Variants in DAB1 observed in about 807,000 individuals in gnomAD.
DAB1 encodes the protein disabled homolog 1.
A neutral mutation model predicts 64.6 loss-of-function variants in DAB1; 15 were observed. The ratio of observed to expected loss-of-function variants is 0.23; its 90% CI spans 0.16 to 0.36. The LOEUF (loss-of-function observed/expected upper bound fraction) is 0.36. Among genes scored for constraint, DAB1 ranks in the 10% least tolerant of loss-of-function variants. The pLI, the probability that DAB1 is intolerant of heterozygous loss-of-function variation, is 1.00. For synonymous variants in DAB1, 235 were observed against 251.9 expected, an observed-to-expected ratio of 0.93 and a Z score of 0.64; for missense variants, 596 against 706.7, an observed-to-expected ratio of 0.84 and a Z score of 1.78.
At chr1:57,211,400 G>T (rs1291329494) in intron 2 of DAB1, among the ~76,000 whole-genome samples, 1 of 152,132 alleles carries the variant, frequency 6.6e-6, no homozygotes, top group Non-Finnish European at 1.5e-5. Flanking sequence ...ACTTAACAAA[G>T]AAAGTCTGTT....
chr1:57,635,900 C>T (rs969289487), intron 7 of DAB1, among the ~76,000 whole-genome samples: 2 of 151,726 alleles, frequency 1.3e-5, no homozygotes, highest in African/African-American at 4.8e-5. Context: ...TCGAGACCAT[C>T]CTGGCTAATA....
At chr1:57,657,160 G>A (rs1646328799) in intron 6 of DAB1, among the ~76,000 whole-genome samples, 1 of 152,032 alleles carries the variant, frequency 6.6e-6, no homozygotes, top group Admixed American at 6.5e-5. Context: ...TCTCAATTCT[G>A]GCCCTACCAC....
At chr1:57,290,856 A>G in intron 2 of DAB1, 108 bp downstream of exon 2, 1 of 612,966 alleles carries the variant, frequency 1.6e-6, no homozygotes, top group Non-Finnish European at 2.8e-6. Flanking sequence ...ATAACTATTT[A>G]AAAATATATG....
intron 4 of DAB1, among the ~76,000 whole-genome samples, chr1:58,208,465 C>T (rs1658392123): frequency 6.6e-6 from 1 of 152,082 alleles, no homozygotes; most frequent in African/African-American, 2.4e-5. Flanking sequence ...CTCTCCAAGT[C>T]TCCAAAGTCC....
chr1:57,136,106 A>G (rs1557784439), intron 4 of DAB1, among the ~76,000 whole-genome samples: 1 of 152,138 alleles, frequency 6.6e-6, no homozygotes, highest in Admixed American at 6.6e-5. Context: ...TGAGAACTCC[A>G]TTTATTCTTT....
intron 3 of DAB1, among the ~76,000 whole-genome samples, chr1:58,373,574 G>T (rs569892354): frequency 4.0e-5 from 6 of 151,742 alleles, no homozygotes; most frequent in South Asian, 2.1e-4. Flanking sequence ...GTCTATCATT[G>T]TTGGACATTT....
intron 5 of DAB1, among the ~76,000 whole-genome samples, chr1:57,941,621 G>A (rs1437605722): frequency 6.6e-6 from 1 of 152,218 alleles, no homozygotes; most frequent in African/African-American, 2.4e-5. Flanking sequence ...CGGATCACGA[G>A]GTCAGGAGAT....
At chr1:57,431,143 C>CACAAAAAAAAAAA (rs749097562) in intron 7 of DAB1, among the ~76,000 whole-genome samples, 2 of 96,408 alleles carry the variant, frequency 2.1e-5, no homozygotes, top group Non-Finnish European at 4.4e-5. Context: ...AGGCCAAAAA[C>CACAAAAAAAAAAA]AAAAAAAAAA....
intron 9 of DAB1, among the ~76,000 whole-genome samples, chr1:57,051,992 C>A (rs1188634746): frequency 6.6e-6 from 1 of 152,056 alleles, no homozygotes; most frequent in African/African-American, 2.4e-5. Flanking sequence ...ATTGTTTGGG[C>A]CCCTGACTCA....
intron 4 of DAB1, among the ~76,000 whole-genome samples, chr1:58,287,974 A>G (rs1661726204): frequency 6.9e-6 from 1 of 144,512 alleles, no homozygotes; most frequent in Admixed American, 7.3e-5. Context: ...GTGAGCTGAG[A>G]TCACACCACT....
chr1:57,885,180 T>C (rs1644204007), upstream of DAB1, among the ~76,000 whole-genome samples: 1 of 152,222 alleles, frequency 6.6e-6, no homozygotes, highest in Non-Finnish European at 1.5e-5. Context: ...ATTAAATGAA[T>C]TATCATAGCA....
At chr1:58,366,189 G>A (rs1243211321) in intron 3 of DAB1, among the ~76,000 whole-genome samples, 3 of 152,152 alleles carry the variant, frequency 2.0e-5, no homozygotes, top group Non-Finnish European at 2.9e-5. Flanking sequence ...CACAGTGACC[G>A]ATATCTCATT....
intron 4 of DAB1, among the ~76,000 whole-genome samples, chr1:58,163,113 G>T (rs2100752498): frequency 1.3e-5 from 2 of 152,280 alleles, no homozygotes. Context: ...CAAACCAGGA[G>T]CAAGTCCTGC....
intron 1 of DAB1, among the ~76,000 whole-genome samples, chr1:57,357,122 C>T (rs561429316): frequency 1.3e-5 from 2 of 152,158 alleles, no homozygotes; most frequent in South Asian, 4.1e-4. Context: ...CACTCTAGCA[C>T]ATAATAGGTG....
At chr1:58,302,494 C>A (rs1662195458) in intron 4 of DAB1, among the ~76,000 whole-genome samples, 3 of 152,060 alleles carry the variant, frequency 2.0e-5, no homozygotes, top group Admixed American at 2.0e-4. Context: ...TGGAAAAAAT[C>A]AATTACAGTG....
At chr1:57,189,070 C>CT (rs1444694545) in intron 2 of DAB1, among the ~76,000 whole-genome samples, 1 of 152,104 alleles carries the variant, frequency 6.6e-6, no homozygotes, top group Non-Finnish European at 1.5e-5. Flanking sequence ...TTGACATTGC[C>CT]TTAGTCAACA....
At position 56,995,142 on chromosome 1, in the gene DAB1, T is replaced by A. The variant is rs553795329; in HGVS notation, c.*3002A>T. On this transcript the variant is annotated 3_prime_UTR_variant, in exon 15 of 15. Coordinates refer to ENST00000371236, the MANE Select transcript of DAB1 (RefSeq NM_001365792.1). The stretch of plus-strand genomic sequence containing the variant: ...GCTATCAAAAAAGTCTTGCGGCATG[T>A]AAAGATTGAAGAGCTATGGAGAATG... The A allele has an allele frequency of 1.3e-5, 2 of 152,322 alleles. No homozygotes were observed. Among genetic ancestry groups the A allele is most frequent in the African/African-American group, 4.8e-5 (2 of 41,566 alleles). 9.4% of individuals were successfully genotyped at this position (152,322 alleles called of 1,614,324 possible). A position where few individuals can be genotyped will look rare whatever the true frequency, so the allele number is the denominator to read the frequency against.
intron 4 of DAB1, among the ~76,000 whole-genome samples, chr1:57,131,098 C>G (rs1031093657): frequency 2.0e-5 from 3 of 152,170 alleles, no homozygotes; most frequent in African/African-American, 7.2e-5. Context: ...ACAAAACTGC[C>G]TACACACATT....
intron 4 of DAB1, among the ~76,000 whole-genome samples, chr1:58,320,176 G>A (rs1662649503): frequency 6.6e-6 from 1 of 152,154 alleles, no homozygotes; most frequent in Admixed American, 6.5e-5. Flanking sequence ...GGCATGAAAT[G>A]TGCCCTGATA....
Sources: gnomAD v4.1 joint callset for allele counts (sites outside exome capture counted in the v4.1 genomes callset) on GRCh38, gnomAD v4.1.1 for gene constraint, MANE v1.5 for transcripts, NCBI Gene and HGNC (gene_info 2026-07-23, HGNC 2026-07-21) for gene names.